Variants in C12orf42 observed in about 807,000 individuals in gnomAD.
C12orf42 encodes the protein uncharacterized protein C12orf42.
In C12orf42, 25 loss-of-function variants were observed where a neutral mutation model predicts 21.6. The ratio of observed to expected loss-of-function variants is 1.16; its 90% CI spans 0.84 to 1.62. The LOEUF (loss-of-function observed/expected upper bound fraction) is 1.62. Ranked by LOEUF, C12orf42 falls within the 40% of genes most tolerant of loss-of-function variation. The probability of loss-of-function intolerance (pLI) is 0.00; values close to 1 mark genes in which losing one functional copy is unlikely to be tolerated. For synonymous variants in C12orf42, 174 were observed against 175.0 expected (o/e 0.99, Z 0.05); for missense variants, 483 against 459.3 (o/e 1.05, Z -0.47).
chr12:103,271,388 A>G (rs1415364178), intron 5 of C12orf42, among the ~76,000 whole-genome samples: 1 of 152,188 alleles, frequency 6.6e-6, no homozygotes, highest in Admixed American at 6.6e-5. Flanking sequence ...AGCTATGTCA[A>G]ACAGGAAGCC....
At chr12:103,144,083 T>C in the C12orf42 span, among the ~76,000 whole-genome samples, 1 of 152,238 alleles carries the variant, frequency 6.6e-6, no homozygotes, top group Non-Finnish European at 1.5e-5. Context: ...ATCATTATTA[T>C]TATCTTCCAG....
chr12:103,398,430 T>C (rs1398917691), intron 3 of C12orf42, among the ~76,000 whole-genome samples: 1 of 152,206 alleles, frequency 6.6e-6, no homozygotes, highest in African/African-American at 2.4e-5. Flanking sequence ...TCCTTGTTAG[T>C]ATTTGCTCTC....
chr12:103,306,130 T>TG lies in C12orf42; in HGVS notation c.474dup (p.Lys159GlnfsTer14). ...AAAAATGAACTGTTCCAAGCCTGCT[T>TG]GGGTGCTCCTCTGGCTCTCTCCTCA... On this transcript the variant is annotated frameshift_variant, in exon 5 of 6. Transcript: ENST00000548883. LOFTEE classifies it high-confidence loss of function. 12 of 1,613,970 alleles carry TG rather than the reference T, an allele frequency of 7.4e-6. No individual in the cohort carries two copies. Among genetic ancestry groups the TG allele is most frequent in the Non-Finnish European group, 1.0e-5 (12 of 1,179,864 alleles).
intron 2 of C12orf42, among the ~76,000 whole-genome samples, chr12:103,439,200 G>A (rs895233666): frequency 6.6e-6 from 1 of 151,188 alleles, no homozygotes; most frequent in Non-Finnish European, 1.5e-5. Context: ...AAACTGGCTA[G>A]CCATATGTAG....
At chr12:103,164,555 G>T in the C12orf42 span, 27 of 429,964 alleles carry the variant, frequency 6.3e-5, no homozygotes, top group South Asian at 1.0e-4. Flanking sequence ...AGGCACAGGG[G>T]GTGGGTGCCA....
the C12orf42 span, among the ~76,000 whole-genome samples, chr12:103,104,355 CA>C: frequency 6.6e-6 from 1 of 152,202 alleles, no homozygotes; most frequent in Non-Finnish European, 1.5e-5. Flanking sequence ...ACTGAACAAA[CA>C]AATTGAATAC....
the C12orf42 span, among the ~76,000 whole-genome samples, chr12:103,149,035 T>C: frequency 6.6e-6 from 1 of 152,188 alleles, no homozygotes; most frequent in Admixed American, 6.5e-5. Context: ...AATCAAGTTG[T>C]CTTTGTAGAG....
At chr12:103,167,206 G>A in the C12orf42 span, among the ~76,000 whole-genome samples, 1 of 152,080 alleles carries the variant, frequency 6.6e-6, no homozygotes, top group Non-Finnish European at 1.5e-5. Context: ...CCAGCCCCAG[G>A]TACTACAGAC....
rs542837141 is a variant in C12orf42 at position 103,241,880 on chromosome 12, T to C, written c.*1367-3978A>G. Among the ~76,000 whole-genome samples the C allele has an allele frequency of 2.6e-5, 4 of 152,320 alleles. No individual in the cohort carries two copies. The East Asian group carries it at 5.8e-4, about 22-fold the overall frequency. On this transcript the variant is annotated intron_variant and NMD_transcript_variant, in intron 10 of 10. Coordinates refer to the C12orf42 transcript ENST00000547347. The stretch of plus-strand genomic sequence containing the variant: ...AAGACTATTTAGCCTGTGTTATTAG[T>C]CTTTTTCAAAGAATGATTTTAAAAT...
chr12:103,324,722 A>G (rs547812585), intron 4 of C12orf42, among the ~76,000 whole-genome samples: 136 of 152,278 alleles, frequency 8.9e-4, no homozygotes, highest in African/African-American at 2.9e-3. Context: ...ATGGCCACAA[A>G]TCTCCATTTC....
At chr12:103,417,121 A>G (rs1248034372) in intron 2 of C12orf42, among the ~76,000 whole-genome samples, 1 of 152,206 alleles carries the variant, frequency 6.6e-6, no homozygotes, top group Non-Finnish European at 1.5e-5. Flanking sequence ...GTCAACATTG[A>G]ACATAAACTA....
chr12:103,298,493 A>G (rs867295852), downstream of C12orf42, among the ~76,000 whole-genome samples: 10 of 152,318 alleles, frequency 6.6e-5, no homozygotes, highest in South Asian at 2.1e-4. Context: ...ATGCTCATGG[A>G]TAGGAAGAAT....
chr12:103,304,463 TCAAAGA>T lies in C12orf42; in HGVS notation c.631+1505_631+1510del, dbSNP rs1403742329. 2.0e-5 allele frequency among the ~76,000 whole-genome samples: 3 copies of T among 152,078 alleles called. No homozygotes were observed. In the East Asian group the frequency reaches 5.8e-4, roughly 29 times the overall value. ...AGACCTAAGTAGGTGACATTTCAAG[TCAAAGA>T]CTTGAAATGAGAAAGGAAACTAGCT... is the stretch of plus-strand genomic sequence containing the variant. On this transcript the variant is annotated intron_variant, in intron 5 of 5. Coordinates refer to ENST00000548883, the MANE Select transcript of C12orf42 (RefSeq NM_198521.5).
At chr12:103,089,101 C>CAAAAAAA in the C12orf42 span, among the ~76,000 whole-genome samples, 313 of 54,812 alleles carry the variant, frequency 5.7e-3, 13 homozygotes, top group Middle Eastern at 0.01. Flanking sequence ...GACTCCATCT[C>CAAAAAAA]AAAAAAAAAA....
At chr12:103,321,680 C>CA (rs2040143441) in intron 4 of C12orf42, among the ~76,000 whole-genome samples, 1 of 143,524 alleles carries the variant, frequency 7.0e-6, no homozygotes, top group Non-Finnish European at 1.5e-5. Context: ...GAATACTATG[C>CA]AGCCATAAAA....
At chr12:103,344,210 A>G (rs1006192124) in intron 4 of C12orf42, among the ~76,000 whole-genome samples, 1 of 152,216 alleles carries the variant, frequency 6.6e-6, no homozygotes, top group East Asian at 1.9e-4. Flanking sequence ...GGATCAAGAT[A>G]AAGAAGTCCT....
At chr12:103,524,811 C>T in the C12orf42 span, among the ~76,000 whole-genome samples, 1 of 152,158 alleles carries the variant, frequency 6.6e-6, no homozygotes, top group African/African-American at 2.4e-5. Context: ...CACTTTCAGG[C>T]ATGCCTGTGA....
chr12:103,248,226 A>C (rs1274751500), intron 10 of C12orf42, among the ~76,000 whole-genome samples: 2 of 152,024 alleles, frequency 1.3e-5, no homozygotes, highest in Non-Finnish European at 2.9e-5. Context: ...CAATGAATCC[A>C]TTTTTCTTAG....
chr12:103,092,391 G>A, the C12orf42 span, among the ~76,000 whole-genome samples: 3 of 152,146 alleles, frequency 2.0e-5, no homozygotes, highest in African/African-American at 7.2e-5. Context: ...TTGGGATTTT[G>A]TGACACTTAC....
Sources: gnomAD v4.1 joint callset for allele counts (sites outside exome capture counted in the v4.1 genomes callset) on GRCh38, gnomAD v4.1.1 for gene constraint, MANE v1.5 for transcripts, NCBI Gene and HGNC (gene_info 2026-07-23, HGNC 2026-07-21) for gene names.